CIT: variants seen among roughly 807,000 people sequenced by gnomAD.
CIT encodes citron Rho-interacting kinase.
A neutral mutation model predicts 272.7 loss-of-function variants in CIT; 79 were observed. The observed-to-expected ratio is 0.29, with a 90% CI of 0.24 to 0.35. The LOEUF (loss-of-function observed/expected upper bound fraction) is 0.35, where lower values mean the gene tolerates loss of function less well. CIT is among the 10% of genes least tolerant of loss of function. The pLI, the probability that CIT is intolerant of heterozygous loss-of-function variation, is 1.00. For synonymous variants in CIT, 948 were observed against 995.6 expected, an observed-to-expected ratio of 0.95 and a Z score of 0.90; for missense variants, 1,909 against 2,618.3, an observed-to-expected ratio of 0.73 and a Z score of 5.91.
In CIT at chr12:119,784,796, C is replaced by G; in HGVS notation, c.1401+164G>C. 1 of 1,433,514 alleles carries G rather than the reference C, an allele frequency of 7.0e-7. No homozygotes were observed. Among genetic ancestry groups the G allele is most frequent in the Non-Finnish European group, 9.1e-7 (1 of 1,095,612 alleles). The allele number at this position is 1,433,514 out of a possible 1,614,324, so 88.8% of individuals were successfully genotyped here. A position where few individuals can be genotyped will look rare whatever the true frequency, so the allele number is the denominator to read the frequency against. On this transcript the variant is annotated intron_variant, in intron 11 of 47. Transcript: ENST00000392521. This position sits in a 1 kb window ranked among gnomAD's most constrained non-coding sequence, Gnocchi z 4.7. ...CAGCAACAGCAAGGCCCGAATTCAT[C>G]TCCCTCTGAGCTGCTGGAGGCGCGA... is the stretch of plus-strand genomic sequence containing the variant.
In CIT at chr12:119,710,680, C is replaced by T; in HGVS notation, c.4855-60G>A. ...CATCGTGAGGCTGATCTGTTTATGA[C>T]CAAACCATCCAGAGAAACCAAGAGA... is the stretch of plus-strand genomic sequence containing the variant. On this transcript the variant is annotated intron_variant, in intron 37 of 47. Transcript: ENST00000392521. This position sits in a 1 kb window ranked among gnomAD's most constrained non-coding sequence, Gnocchi z 5.6. 1 of 1,480,728 alleles carries T rather than the reference C, an allele frequency of 6.8e-7. No individual in the cohort carries two copies. The highest frequency in any genetic ancestry group is 1.4e-5 in the African/African-American group (1 of 72,248). 91.7% of individuals were successfully genotyped at this position (1,480,728 alleles called of 1,614,324 possible). A position where few individuals can be genotyped will look rare whatever the true frequency, so the allele number is the denominator to read the frequency against.
Position 119,815,037 on chromosome 12 carries a change from CA to C in CIT, c.1111+7782del, listed in dbSNP as rs140981194. Among the ~76,000 whole-genome samples the C allele has an allele frequency of 8.8e-3, 518 of 58,900 alleles. 3 individuals are homozygous for C. The highest frequency in any genetic ancestry group is 0.02 in the African/African-American group (318 of 15,874). 38.6% of individuals were successfully genotyped at this position (58,900 alleles called of 152,430 possible). A position where few individuals can be genotyped will look rare whatever the true frequency, so the allele number is the denominator to read the frequency against. On this transcript the variant is annotated intron_variant, in intron 9 of 47. Coordinates refer to ENST00000392521, the MANE Select transcript of CIT (RefSeq NM_001206999.2). ...TGGCTGACAGAGGAAGACTCTGTCT[CA>C]AAAAAAAAAAAAAAAAGGGCCCAAA... is the stretch of plus-strand genomic sequence containing the variant.
At chr12:119,693,287 C>T (rs534131454) in intron 46 of CIT, among the ~76,000 whole-genome samples, 8 of 152,290 alleles carry the variant, frequency 5.3e-5, no homozygotes, top group Admixed American at 3.9e-4. Flanking sequence ...ACCAGGGCAA[C>T]GAAGCCTGCA....
chr12:119,765,237 C>T (rs930118145), intron 19 of CIT, among the ~76,000 whole-genome samples: 3 of 151,426 alleles, frequency 2.0e-5, no homozygotes, highest in Admixed American at 1.3e-4. Flanking sequence ...CCCATCTCTA[C>T]AAAAAACATT....
intron 5 of CIT, among the ~76,000 whole-genome samples, chr12:119,845,605 A>C (rs1449170724): frequency 6.7e-6 from 1 of 148,264 alleles, no homozygotes; most frequent in Non-Finnish European, 1.5e-5. Context: ...GTGAGCCAAG[A>C]TCCCGCCACT....
intron 28 of CIT, among the ~76,000 whole-genome samples, chr12:119,725,063 G>A (rs1958017092): frequency 6.6e-6 from 1 of 151,942 alleles, no homozygotes; most frequent in East Asian, 1.9e-4. Context: ...GAATAGTGCT[G>A]GAAATTCAGA....
rs528914705 is a variant in CIT at position 119,716,193 on chromosome 12, C to T, written c.4169-1859G>A. Reference sequence around the variant, plus strand: ...AGGAGTTCAAGACCAGCCTGGCCAACATGGTGAAACCCTATCTCTACTAAA... The same window carrying T: ...AGGAGTTCAAGACCAGCCTGGCCAATATGGTGAAACCCTATCTCTACTAAA... On this transcript the variant is annotated intron_variant, in intron 32 of 47. Transcript: ENST00000392521. Among the ~76,000 whole-genome samples, 8 of 151,934 alleles carry T rather than the reference C, an allele frequency of 5.3e-5. No individual in the cohort carries two copies. The East Asian group carries it at 1.5e-3, about 29-fold the overall frequency.
In CIT at chr12:119,784,429, A is replaced by G; in HGVS notation, c.1402-378T>C. 2 of 1,214,560 alleles carry G rather than the reference A, an allele frequency of 1.6e-6. No homozygotes were observed. Among genetic ancestry groups the G allele is most frequent in the Non-Finnish European group, 2.1e-6 (2 of 958,814 alleles). The allele number at this position is 1,214,560 out of a possible 1,614,324, so 75.2% of individuals were successfully genotyped here. ...CCCCCATCTCCTTGCAAAGATCTAGAGGACAAATCCAGGACAGGGCAAGGA... is the reference window on the plus strand; with the variant it reads ...CCCCCATCTCCTTGCAAAGATCTAGGGGACAAATCCAGGACAGGGCAAGGA... On this transcript the variant is annotated intron_variant, in intron 11 of 47. Transcript: ENST00000392521. This position sits in a 1 kb window ranked among gnomAD's most constrained non-coding sequence, Gnocchi z 4.7.
At chr12:119,818,928 T>C (rs1046144930) in intron 9 of CIT, among the ~76,000 whole-genome samples, 1 of 152,100 alleles carries the variant, frequency 6.6e-6, no homozygotes, top group Non-Finnish European at 1.5e-5. Context: ...AGCAAAACTT[T>C]CCCATGGATG....
At chr12:119,842,338 G>A (rs538114784) in intron 5 of CIT, among the ~76,000 whole-genome samples, 2 of 134,766 alleles carry the variant, frequency 1.5e-5, no homozygotes, top group South Asian at 5.0e-4. Flanking sequence ...GCACTGAGCT[G>A]AGATCATGCC....
At position 119,806,104 on chromosome 12, in the gene CIT, T is replaced by A. The variant is rs1593817480; in HGVS notation, c.1112-2715A>T. ...GTGAGCCAAGATCGTGCCACTGCACTCCAGCCTGGGGAACAAGAGCGAAAC... is the reference window on the plus strand; with the variant it reads ...GTGAGCCAAGATCGTGCCACTGCACACCAGCCTGGGGAACAAGAGCGAAAC... On this transcript the variant is annotated intron_variant, in intron 9 of 47. Coordinates refer to ENST00000392521, the MANE Select transcript of CIT (RefSeq NM_001206999.2). 2.6e-5 allele frequency among the ~76,000 whole-genome samples: 3 copies of A among 117,134 alleles called. No homozygotes were observed. The South Asian group carries it at 8.4e-4, about 33-fold the overall frequency. The allele number at this position is 117,134 out of a possible 152,430, so 76.8% of individuals were successfully genotyped here.
chr12:119,849,669 G>A (rs1380291637), intron 5 of CIT, among the ~76,000 whole-genome samples: 2 of 145,444 alleles, frequency 1.4e-5, no homozygotes, highest in Non-Finnish European at 3.0e-5. Flanking sequence ...AACTGTCAAT[G>A]AGGCTGTTTC....
chr12:119,772,634 T>A, intron 17 of CIT, 136 bp downstream of exon 17: 1 of 927,474 alleles, frequency 1.1e-6, no homozygotes, highest in Non-Finnish European at 1.5e-6. Flanking sequence ...TCCCAGCCTC[T>A]CAGGTTTCAA....
At chr12:119,733,447 T>C (rs1032759971) in intron 26 of CIT, among the ~76,000 whole-genome samples, 4 of 150,826 alleles carry the variant, frequency 2.7e-5, no homozygotes, top group African/African-American at 9.8e-5. Flanking sequence ...AGAAGGAGAA[T>C]TCCTCCCACC....
chr12:119,849,570 T>C (rs1369300324), intron 5 of CIT, among the ~76,000 whole-genome samples: 1 of 152,200 alleles, frequency 6.6e-6, no homozygotes, highest in Non-Finnish European at 1.5e-5. Context: ...TTTTTAAAAA[T>C]TAAAGCAAGA....
In CIT at chr12:119,876,053, T is replaced by C; in HGVS notation, c.96+20A>G. On this transcript the variant is annotated intron_variant, in intron 2 of 47. Transcript: ENST00000392521. ...CAAGGACACACACAGGTGAGCAAAG[T>C]TGGCAGGGTAGGCTGTTACCTGGAA... 6.4e-7 allele frequency: 1 copy of C among 1,554,666 alleles called. No individual in the cohort carries two copies. Among genetic ancestry groups the C allele is most frequent in the East Asian group, 2.2e-5 (1 of 44,452 alleles).
intron 16 of CIT, among the ~76,000 whole-genome samples, chr12:119,774,504 A>G (rs1054943772): frequency 2.6e-5 from 4 of 152,166 alleles, no homozygotes; most frequent in Admixed American, 2.0e-4. Context: ...ATATAAGAAG[A>G]ATGTGAGGTG....
chr12:119,756,188 A>G (rs1180692266), intron 22 of CIT, among the ~76,000 whole-genome samples: 1 of 152,234 alleles, frequency 6.6e-6, no homozygotes, highest in Non-Finnish European at 1.5e-5. Context: ...CCAGATCCCC[A>G]TGGCCCAGTC....
intron 39 of CIT, 136 bp from the exon 40 acceptor site, chr12:119,708,454 T>A: frequency 1.2e-6 from 1 of 852,026 alleles, no homozygotes; most frequent in Non-Finnish European, 1.6e-6. Flanking sequence ...CAAATCCATA[T>A]AAACACATTT....
Sources: allele counts gnomAD v4.1 joint callset (sites outside exome capture counted in the v4.1 genomes callset), GRCh38; gene constraint gnomAD v4.1.1; non-coding constraint Gnocchi (gnomAD v3.1); transcripts MANE v1.5; gene names NCBI Gene and HGNC (gene_info 2026-07-23, HGNC 2026-07-21).